The following DAB1 variants were observed in gnomAD, a reference collection of about 807,000 sequenced individuals.
DAB1 encodes the protein disabled homolog 1.
A neutral mutation model predicts 64.6 loss-of-function variants in DAB1; 15 were observed. The observed-to-expected ratio is 0.23, with a 90% CI of 0.16 to 0.36. DAB1 has a LOEUF of 0.36. Among genes scored for constraint, DAB1 ranks in the 10% least tolerant of loss-of-function variants. DAB1 has a pLI of 1.00. For missense variants in DAB1, 596 were observed against 706.7 expected (o/e 0.84, Z 1.78); for synonymous variants, 235 against 251.9 (o/e 0.93, Z 0.64).
intron 3 of DAB1, among the ~76,000 whole-genome samples, chr1:58,428,914 C>T (rs1041599457): frequency 3.9e-5 from 6 of 152,136 alleles, no homozygotes; most frequent in African/African-American, 1.4e-4. Flanking sequence ...AAAGGAGTCC[C>T]CTATGGGAGG....
chr1:58,342,585 G>A (rs1182782417), intron 4 of DAB1, among the ~76,000 whole-genome samples: 1 of 152,018 alleles, frequency 6.6e-6, no homozygotes. Flanking sequence ...ATTTCCACAT[G>A]GATGTCACGC....
chr1:57,711,227 T>A (rs894354938), intron 6 of DAB1, among the ~76,000 whole-genome samples: 1 of 152,212 alleles, frequency 6.6e-6, no homozygotes, highest in Non-Finnish European at 1.5e-5. Context: ...ATAAACTAAA[T>A]GTTTCCCAAA....
At chr1:57,990,656 G>A (rs1187999) in intron 5 of DAB1, among the ~76,000 whole-genome samples, 19,639 of 152,150 alleles carry the variant, frequency 0.13, 1,667 homozygotes, top group South Asian at 0.31. Flanking sequence ...GACTGAGGAC[G>A]GGACAGAGTA....
At chr1:58,135,932 CCATT>C (rs1244485550) in intron 5 of DAB1, among the ~76,000 whole-genome samples, 1 of 151,798 alleles carries the variant, frequency 6.6e-6, no homozygotes, top group Admixed American at 6.6e-5. Context: ...TAGCCCTGGG[CCATT>C]CAGTTACCCT....
chr1:57,364,196 A>G (rs928806676), intron 1 of DAB1, among the ~76,000 whole-genome samples: 8 of 152,242 alleles, frequency 5.3e-5, no homozygotes, highest in African/African-American at 1.9e-4. Context: ...ACAGGGCCCA[A>G]GAGAAGCGAG....
intron 3 of DAB1, among the ~76,000 whole-genome samples, chr1:58,371,714 A>G (rs1380713659): frequency 1.3e-5 from 2 of 152,182 alleles, no homozygotes. Flanking sequence ...TGCTCTGTGA[A>G]GCCTCAGGAC....
intron 5 of DAB1, among the ~76,000 whole-genome samples, chr1:58,083,950 G>C (rs769022398): frequency 2.0e-5 from 3 of 152,152 alleles, no homozygotes; most frequent in Non-Finnish European, 4.4e-5. Context: ...CGAACAGCAA[G>C]TGAAAGCCAT....
chr1:57,287,091 T>G (rs998188514), intron 2 of DAB1, among the ~76,000 whole-genome samples: 4 of 152,294 alleles, frequency 2.6e-5, no homozygotes, highest in Admixed American at 2.0e-4. Flanking sequence ...TTTTGTTTTG[T>G]GACAAGGTCT....
intron 1 of DAB1, among the ~76,000 whole-genome samples, chr1:57,410,759 C>T (rs1180120161): frequency 1.3e-5 from 2 of 152,214 alleles, no homozygotes; most frequent in Non-Finnish European, 2.9e-5. Context: ...CAGAAAATAT[C>T]AGAGTGGTAT....
chr1:57,327,182 CCT>C, intron 1 of DAB1, among the ~76,000 whole-genome samples: 1 of 152,152 alleles, frequency 6.6e-6, no homozygotes, highest in African/African-American at 2.4e-5. Flanking sequence ...CTCACGTGAT[CCT>C]CTTACCTCAG....
At chr1:58,291,854 G>A (rs1272560021) in intron 4 of DAB1, among the ~76,000 whole-genome samples, 2 of 152,204 alleles carry the variant, frequency 1.3e-5, no homozygotes, top group African/African-American at 2.4e-5. Flanking sequence ...ATGGTTAATT[G>A]TATGTATCAA....
At chr1:58,027,688 G>A (rs1034246529) in intron 5 of DAB1, among the ~76,000 whole-genome samples, 6 of 152,024 alleles carry the variant, frequency 3.9e-5, no homozygotes, top group East Asian at 1.9e-4. Flanking sequence ...TTAACTTCTC[G>A]GAGTCTCTAA....
intron 4 of DAB1, among the ~76,000 whole-genome samples, chr1:58,155,280 T>C (rs779492659): frequency 1.3e-5 from 2 of 152,126 alleles, no homozygotes; most frequent in Admixed American, 6.5e-5. Context: ...AAACCAGGGG[T>C]GATTTTGCCC....
chr1:58,131,669 T>C (rs1334032371), intron 5 of DAB1, among the ~76,000 whole-genome samples: 3 of 141,272 alleles, frequency 2.1e-5, no homozygotes, highest in African/African-American at 8.3e-5. Flanking sequence ...TTAGTTTTCC[T>C]TCTAACAGAG....
At chr1:57,783,106 C>CTTTTTTTTTT (rs58761251) in intron 6 of DAB1, among the ~76,000 whole-genome samples, 2 of 99,872 alleles carry the variant, frequency 2.0e-5, no homozygotes, top group East Asian at 3.1e-4. Flanking sequence ...TCTCTCTTTT[C>CTTTTTTTTTT]TTTTTTTTTT....
At chr1:57,029,954 A>G (rs1324678663) in intron 9 of DAB1, among the ~76,000 whole-genome samples, 1 of 152,134 alleles carries the variant, frequency 6.6e-6, no homozygotes, top group Non-Finnish European at 1.5e-5. Context: ...ACTGTTGGGA[A>G]GGCATGATTG....
At position 57,157,568 on chromosome 1, in the gene DAB1, GAA is replaced by G. The variant is rs879560972; in HGVS notation, c.68-12141_68-12140del. Among the ~76,000 whole-genome samples the G allele has an allele frequency of 6.0e-3, 745 of 125,194 alleles. 8 individuals are homozygous for G. The highest frequency in any genetic ancestry group is 0.02 in the Middle Eastern group (5 of 244). The allele number at this position is 125,194 out of a possible 152,430, so 82.1% of individuals were successfully genotyped here. ...AGATCTCTTTTTGTGCATGCACTGAGAAAGAGAGAGAGAGAGAGAGAGAGAGA... is the reference window on the plus strand; with the variant it reads ...AGATCTCTTTTTGTGCATGCACTGAGAGAGAGAGAGAGAGAGAGAGAGAGA... On this transcript the variant is annotated intron_variant, in intron 2 of 14. Coordinates refer to ENST00000371236, the MANE Select transcript of DAB1 (RefSeq NM_001365792.1).
chr1:58,081,868 G>T (rs772465822), intron 5 of DAB1, among the ~76,000 whole-genome samples: 1 of 152,140 alleles, frequency 6.6e-6, no homozygotes, highest in African/African-American at 2.4e-5. Flanking sequence ...GTGGGGACTT[G>T]TAGTGTTTCT....
intron 4 of DAB1, among the ~76,000 whole-genome samples, chr1:57,092,451 G>C (rs919506576): frequency 6.6e-6 from 1 of 151,992 alleles, no homozygotes; most frequent in African/African-American, 2.4e-5. Flanking sequence ...GAGTTCTCAT[G>C]AGATGTCATG....
Sources: allele counts gnomAD v4.1 joint callset (sites outside exome capture counted in the v4.1 genomes callset), GRCh38; gene constraint gnomAD v4.1.1; transcripts MANE v1.5; gene names NCBI Gene and HGNC (gene_info 2026-07-23, HGNC 2026-07-21).